The following EIPR1 variants were observed in gnomAD, a reference collection of about 807,000 sequenced individuals.
The protein encoded by EIPR1 is EARP complex and GARP complex interacting protein 1.
EIPR1 carries 25 observed loss-of-function variants against 48.1 expected under a neutral mutation model. That is an observed-to-expected ratio of 0.52 (90% CI 0.38 to 0.73). The LOEUF is 0.73. Ranked by LOEUF, EIPR1 falls within the 30% of genes least tolerant of loss-of-function variation. The pLI, the probability that EIPR1 is intolerant of heterozygous loss-of-function variation, is 0.00. For missense variants in EIPR1, 415 were observed against 506.2 expected (o/e 0.82, Z 1.73); for synonymous variants, 204 against 201.9 (o/e 1.01, Z -0.09).
rs116398821 is a variant in EIPR1, at chr2:3,325,963, C to T, written c.259+12054G>A. Reference sequence around the variant, plus strand: ...AGGCTCGGTCAGTGAGCCGTGAGGGCGGATAGACTCCTGGGCTGGCCCAAT... The same window carrying T: ...AGGCTCGGTCAGTGAGCCGTGAGGGTGGATAGACTCCTGGGCTGGCCCAAT... On this transcript the variant is annotated intron_variant, in intron 3 of 8. Transcript: ENST00000382125. Among the ~76,000 whole-genome samples, 1,124 of 152,352 alleles carry T rather than the reference C, an allele frequency of 7.4e-3. 13 individuals are homozygous for T. The highest frequency in any genetic ancestry group is 0.026 in the African/African-American group (1,075 of 41,590).
rs1558286500 is a variant in EIPR1, at chr2:3,305,024, T to TGTCCAGTTCAACCCTCCACTCCC, written c.259+32970_259+32992dup. Among the ~76,000 whole-genome samples, 47 of 18,394 alleles carry TGTCCAGTTCAACCCTCCACTCCC rather than the reference T, an allele frequency of 2.6e-3. 2 individuals are homozygous for TGTCCAGTTCAACCCTCCACTCCC. Among genetic ancestry groups the TGTCCAGTTCAACCCTCCACTCCC allele is most frequent in the Non-Finnish European group, 3.2e-3 (29 of 9,008 alleles). The allele number at this position is 18,394 out of a possible 152,430, so 12.1% of individuals were successfully genotyped here. On this transcript the variant is annotated intron_variant, in intron 3 of 8. Transcript: ENST00000382125. The stretch of plus-strand genomic sequence containing the variant: ...CCCGTCCAGTTCAACCCTCCACTCC[T>TGTCCAGTTCAACCCTCCACTCCC]GTCCAGTTCAACCCTCCACTCCCGT...
intron 3 of EIPR1, among the ~76,000 whole-genome samples, chr2:3,285,131 T>TC (rs1668139883): frequency 6.6e-6 from 1 of 151,978 alleles, no homozygotes; most frequent in South Asian, 2.1e-4. Context: ...GGCCGGACAG[T>TC]CCCCCGAGGT....
chr2:3,260,149 T>C (rs955359024), intron 3 of EIPR1, among the ~76,000 whole-genome samples: 1 of 152,162 alleles, frequency 6.6e-6, no homozygotes, highest in African/African-American at 2.4e-5. Flanking sequence ...ATTTAAAACT[T>C]CTTTAAAATC....
intron 3 of EIPR1, among the ~76,000 whole-genome samples, chr2:3,306,390 T>C (rs10190265): frequency 0.36 from 54,646 of 152,066 alleles, 10,071 homozygotes; most frequent in African/African-American, 0.42. Flanking sequence ...CATATATTAC[T>C]TTTTGTCATA....
At chr2:3,311,684 G>A (rs1405112113) in intron 3 of EIPR1, among the ~76,000 whole-genome samples, 1 of 152,156 alleles carries the variant, frequency 6.6e-6, no homozygotes, top group Non-Finnish European at 1.5e-5. Context: ...ACAGGGCTAG[G>A]GGTCCAGTCA....
chr2:3,216,729 T>C (rs1337974981), intron 4 of EIPR1, among the ~76,000 whole-genome samples: 2 of 152,266 alleles, frequency 1.3e-5, no homozygotes, highest in Non-Finnish European at 2.9e-5. Context: ...AACTCTTCTA[T>C]GTTCCCCACA....
Position 3,252,366 on chromosome 2 carries a change from G to A in EIPR1, c.416+4933C>T, listed in dbSNP as rs368130451. Among the ~76,000 whole-genome samples the A allele has an allele frequency of 4.6e-5, 7 of 152,286 alleles. No homozygotes were observed. The South Asian group carries it at 8.3e-4, about 18-fold the overall frequency. ...AGCACTTTCGGAGGCTGAGGTGGGCGGATCACCTGAGGTCAGGAGTTCAAG... is the reference window on the plus strand; with the variant it reads ...AGCACTTTCGGAGGCTGAGGTGGGCAGATCACCTGAGGTCAGGAGTTCAAG... On this transcript the variant is annotated intron_variant, in intron 4 of 8. Coordinates refer to ENST00000382125, the MANE Select transcript of EIPR1 (RefSeq NM_003310.5).
chr2:3,277,687 T>C (rs1667897113), intron 3 of EIPR1, among the ~76,000 whole-genome samples: 1 of 152,206 alleles, frequency 6.6e-6, no homozygotes, highest in Admixed American at 6.5e-5. Flanking sequence ...GCCCGGGGCA[T>C]GAGTGGGGGT....
intron 3 of EIPR1, among the ~76,000 whole-genome samples, chr2:3,337,078 G>C (rs1670087182): frequency 7.0e-6 from 1 of 142,600 alleles, no homozygotes; most frequent in African/African-American, 2.6e-5. Flanking sequence ...AAGGGGGAAG[G>C]GAAGAGAAAA....
At chr2:3,366,764 T>C (rs1670982544) in intron 1 of EIPR1, among the ~76,000 whole-genome samples, 2 of 152,196 alleles carry the variant, frequency 1.3e-5, no homozygotes, top group South Asian at 4.1e-4. Context: ...TGTATTAAAA[T>C]TTTCAACTGG....
Position 3,264,447 on chromosome 2 carries a change from T to C in EIPR1, c.260-6992A>G, listed in dbSNP as rs1021783740. The stretch of plus-strand genomic sequence containing the variant: ...TGTCCCAATCATCTTCAGCTTGCCA[T>C]GCCCCAGAAGAACTGGATAAAGACT... On this transcript the variant is annotated intron_variant, in intron 3 of 8. Transcript: ENST00000382125. Among the ~76,000 whole-genome samples, 3 of 152,318 alleles carry C rather than the reference T, an allele frequency of 2.0e-5. No individual in the cohort carries two copies. In the East Asian group the frequency reaches 5.8e-4, roughly 29 times the overall value.
intron 6 of EIPR1, among the ~76,000 whole-genome samples, chr2:3,196,584 C>T (rs1286231784): frequency 1.3e-5 from 2 of 152,178 alleles, no homozygotes; most frequent in Non-Finnish European, 2.9e-5. Context: ...CCCCATCTCG[C>T]TCAGTGTTAC....
At chr2:3,365,167 G>C (rs915065891) in intron 1 of EIPR1, among the ~76,000 whole-genome samples, 2 of 151,540 alleles carry the variant, frequency 1.3e-5, no homozygotes, top group Non-Finnish European at 2.9e-5. Flanking sequence ...GCTGGGTGTG[G>C]TGGCTCAAGA....
chr2:3,365,874 C>T (rs1272695095), intron 1 of EIPR1, among the ~76,000 whole-genome samples: 1 of 152,094 alleles, frequency 6.6e-6, no homozygotes, highest in Non-Finnish European at 1.5e-5. Flanking sequence ...CCATGTCTAC[C>T]TCTTTCTACA....
chr2:3,279,408 C>T (rs1429732595), intron 3 of EIPR1, among the ~76,000 whole-genome samples: 1 of 152,134 alleles, frequency 6.6e-6, no homozygotes, highest in Non-Finnish European at 1.5e-5. Context: ...AGCGAGGTAG[C>T]GTAGGATACA....
Position 3,310,288 on chromosome 2 carries a change from T to C in EIPR1, c.259+27729A>G, listed in dbSNP as rs142184106. 3.4e-3 allele frequency among the ~76,000 whole-genome samples: 524 copies of C among 152,260 alleles called. 6 individuals carry two copies. Among genetic ancestry groups the C allele is most frequent in the African/African-American group, 0.012 (504 of 41,524 alleles). ...CAGGAAATAGATACTAAGGGTATTA[T>C]AAAAATCTTCCTTTTTAATATTTTT... On this transcript the variant is annotated intron_variant, in intron 3 of 8. Coordinates refer to ENST00000382125, the MANE Select transcript of EIPR1 (RefSeq NM_003310.5).
At chr2:3,192,647 A>AC in intron 7 of EIPR1, 66 bp from the exon 8 acceptor site, 6 of 1,551,758 alleles carry the variant, frequency 3.9e-6, no homozygotes, top group Non-Finnish European at 5.3e-6. Context: ...AATGGATCAC[A>AC]CCGGCTCTGA....
chr2:3,290,524 G>A (rs951591519), intron 3 of EIPR1, among the ~76,000 whole-genome samples: 4 of 152,188 alleles, frequency 2.6e-5, no homozygotes, highest in African/African-American at 7.2e-5. Context: ...GCTGTAGCTT[G>A]TACTTCTTTA....
intron 3 of EIPR1, among the ~76,000 whole-genome samples, chr2:3,299,269 C>T (rs2103290599): frequency 6.6e-6 from 1 of 152,164 alleles, no homozygotes; most frequent in South Asian, 2.1e-4. Context: ...CGCCCTGGGT[C>T]AGCTCATTGT....
Sources: gnomAD v4.1 joint callset for allele counts (sites outside exome capture counted in the v4.1 genomes callset) on GRCh38, gnomAD v4.1.1 for gene constraint, MANE v1.5 for transcripts, NCBI Gene and HGNC (gene_info 2026-07-23, HGNC 2026-07-21) for gene names.